GRIP1: variants seen among roughly 807,000 people sequenced by gnomAD.
GRIP1 encodes glutamate receptor interacting protein 1.
GRIP1 carries 45 observed loss-of-function variants against 129.9 expected under a neutral mutation model. The observed-to-expected ratio is 0.35, with a 90% CI of 0.27 to 0.44. The LOEUF (loss-of-function observed/expected upper bound fraction) is 0.44. Ranked by LOEUF, GRIP1 falls within the 20% of genes least tolerant of loss-of-function variation. GRIP1 has a pLI of 1.00. For synonymous variants in GRIP1, 530 were observed against 520.8 expected (o/e 1.02, Z -0.24); for missense variants, 1,196 against 1,396.8 (o/e 0.86, Z 2.29).
intron 24 of GRIP1, among the ~76,000 whole-genome samples, chr12:66,349,540 T>C (rs1035972770): frequency 7.2e-5 from 11 of 152,178 alleles, no homozygotes; most frequent in Non-Finnish European, 1.5e-4. Context: ...ATATTATCCC[T>C]AATTTACAGA....
intron 1 of GRIP1, among the ~76,000 whole-genome samples, chr12:66,973,302 G>A (rs929490056): frequency 1.3e-5 from 2 of 150,316 alleles, no homozygotes; most frequent in African/African-American, 4.9e-5. Flanking sequence ...CAGGGGTTTG[G>A]GGTAGGTTTT....
At chr12:67,051,945 T>C (rs1219792218) in intron 1 of GRIP1, among the ~76,000 whole-genome samples, 1 of 152,198 alleles carries the variant, frequency 6.6e-6, no homozygotes, top group African/African-American at 2.4e-5. Flanking sequence ...CACAAAGCTA[T>C]TCATCAAATG....
chr12:66,549,261 T>C (rs186472478), intron 2 of GRIP1, among the ~76,000 whole-genome samples: 15 of 152,232 alleles, frequency 9.9e-5, no homozygotes, highest in Admixed American at 9.8e-4. Flanking sequence ...CATCAGCTTG[T>C]GGCAAACAGA....
chr12:66,862,752 A>G (rs574631959), intron 1 of GRIP1, among the ~76,000 whole-genome samples: 1 of 152,196 alleles, frequency 6.6e-6, no homozygotes, highest in African/African-American at 2.4e-5. Flanking sequence ...AATCCCATCT[A>G]TAAATTTCCA....
At chr12:66,972,685 C>A (rs569261099) in intron 1 of GRIP1, among the ~76,000 whole-genome samples, 1 of 152,280 alleles carries the variant, frequency 6.6e-6, no homozygotes, top group South Asian at 2.1e-4. Flanking sequence ...TGTCCTCAAG[C>A]TTTTCTTTTT....
At chr12:66,539,544 G>GTTTTTTTTTTTTTTTTTTTT (rs1250833017) in intron 3 of GRIP1, among the ~76,000 whole-genome samples, 6 of 67,666 alleles carry the variant, frequency 8.9e-5, no homozygotes, top group African/African-American at 3.7e-4. Flanking sequence ...ATCAAGAGAA[G>GTTTTTTTTTTTTTTTTTTTT]CTTTTTTTTT....
At chr12:66,659,920 A>G (rs1256217398) in intron 1 of GRIP1, among the ~76,000 whole-genome samples, 4 of 152,196 alleles carry the variant, frequency 2.6e-5, no homozygotes, top group African/African-American at 4.8e-5. Flanking sequence ...CAAAACGCAT[A>G]GAGTTAACAC....
At chr12:66,503,661 C>G (rs1213404479) in intron 7 of GRIP1, among the ~76,000 whole-genome samples, 1 of 152,132 alleles carries the variant, frequency 6.6e-6, no homozygotes, top group Admixed American at 6.6e-5. Context: ...CACTGGTAAC[C>G]TGAATACCTT....
intron 1 of GRIP1, among the ~76,000 whole-genome samples, chr12:66,690,371 TACACACACACACACAC>T (rs112206335): frequency 6.8e-6 from 1 of 147,794 alleles, no homozygotes; most frequent in Non-Finnish European, 1.5e-5. Context: ...TCAATAATAT[TACACACACACACACAC>T]ACACACACAC....
At chr12:66,621,990 G>T in intron 1 of GRIP1, among the ~76,000 whole-genome samples, 1 of 152,022 alleles carries the variant, frequency 6.6e-6, no homozygotes, top group African/African-American at 2.4e-5. Context: ...ATATATTTTG[G>T]ATATTCTTTG....
intron 1 of GRIP1, among the ~76,000 whole-genome samples, chr12:66,599,425 G>A (rs10506488): frequency 0.093 from 14,188 of 152,202 alleles, 705 homozygotes; most frequent in East Asian, 0.12. Flanking sequence ...ATGGCACAAT[G>A]TAACACTTGG....
At chr12:66,836,903 C>T (rs2039623918) in intron 1 of GRIP1, among the ~76,000 whole-genome samples, 1 of 152,172 alleles carries the variant, frequency 6.6e-6, no homozygotes, top group Non-Finnish European at 1.5e-5. Context: ...AGAAGCACAC[C>T]TCTCTTTCAA....
intron 4 of GRIP1, among the ~76,000 whole-genome samples, chr12:66,533,885 A>ACCCTCTCTCT (rs201892079): frequency 7.7e-6 from 1 of 129,570 alleles, no homozygotes; most frequent in Non-Finnish European, 1.7e-5. Flanking sequence ...ACACATACAC[A>ACCCTCTCTCT]CACTCTCTCT....
At chr12:67,028,401 T>C (rs11176540) in intron 1 of GRIP1, among the ~76,000 whole-genome samples, 1 of 152,280 alleles carries the variant, frequency 6.6e-6, no homozygotes, top group South Asian at 2.1e-4. Context: ...GTATTTTTAG[T>C]AGTTTCTTCA....
At chr12:66,892,823 C>T (rs886439400) in intron 1 of GRIP1, among the ~76,000 whole-genome samples, 2 of 152,012 alleles carry the variant, frequency 1.3e-5, no homozygotes, top group Non-Finnish European at 2.9e-5. Flanking sequence ...TTAAATAAGC[C>T]AGGTATGGTG....
chr12:66,498,396 C>A (rs554092485), intron 7 of GRIP1, among the ~76,000 whole-genome samples: 2 of 152,270 alleles, frequency 1.3e-5, no homozygotes, highest in South Asian at 4.2e-4. Flanking sequence ...ATCATATAAA[C>A]GTTGTGTTAA....
At chr12:66,641,111 G>A (rs1337433325) in intron 1 of GRIP1, among the ~76,000 whole-genome samples, 1 of 152,180 alleles carries the variant, frequency 6.6e-6, no homozygotes, top group African/African-American at 2.4e-5. Flanking sequence ...TATCTGACAT[G>A]CTGAGGTAGT....
chr12:67,010,050 G>A (rs2042682041), intron 1 of GRIP1, among the ~76,000 whole-genome samples: 1 of 151,974 alleles, frequency 6.6e-6, no homozygotes, highest in Admixed American at 6.6e-5. Flanking sequence ...TTAATGATTT[G>A]GTGTCAATTT....
At chr12:66,482,855 T>C (rs1329045592) in intron 7 of GRIP1, among the ~76,000 whole-genome samples, 2 of 152,208 alleles carry the variant, frequency 1.3e-5, no homozygotes, top group Non-Finnish European at 2.9e-5. Context: ...TAGTTTATCC[T>C]GCTGAAATGA....
Sources: gnomAD v4.1 joint callset for allele counts (sites outside exome capture counted in the v4.1 genomes callset) on GRCh38, gnomAD v4.1.1 for gene constraint, MANE v1.5 for transcripts, NCBI Gene and HGNC (gene_info 2026-07-23, HGNC 2026-07-21) for gene names.